Variants in GFM1 observed in about 807,000 individuals in gnomAD.
GFM1 encodes elongation factor G, mitochondrial.
A neutral mutation model predicts 96.2 loss-of-function variants in GFM1; 62 were observed. The ratio of observed to expected loss-of-function variants is 0.64; its 90% CI spans 0.53 to 0.80. The LOEUF (loss-of-function observed/expected upper bound fraction) is 0.80. GFM1 is among the 30% of genes least tolerant of loss of function. The probability of loss-of-function intolerance (pLI) is 0.00; values close to 1 mark genes in which losing one functional copy is unlikely to be tolerated. For synonymous variants in GFM1, 282 were observed against 312.9 expected (o/e 0.90, Z 1.04); for missense variants, 852 against 916.6 (o/e 0.93, Z 0.91).
chr3:158,650,106 C>T (rs922662487), intron 5 of GFM1: 7 of 1,444,034 alleles, frequency 4.8e-6, no homozygotes, highest in Admixed American at 2.0e-5. Flanking sequence ...AATTTATCTT[C>T]ATCAGCCATC....
At chr3:158,676,148 A>G (rs1724872345) in intron 13 of GFM1, among the ~76,000 whole-genome samples, 3 of 152,158 alleles carry the variant, frequency 2.0e-5, no homozygotes, top group African/African-American at 7.2e-5. Flanking sequence ...ATGTGCCTGT[A>G]GTTCCAGCTA....
At chr3:158,668,858 C>A in intron 13 of GFM1, 2 of 692,926 alleles carry the variant, frequency 2.9e-6, no homozygotes, top group Non-Finnish European at 2.3e-6. Flanking sequence ...CTTGATTGTA[C>A]CTGACCTCCC....
At position 158,682,167 on chromosome 3, in the gene GFM1, TAAA is replaced by T; in HGVS notation, c.1764+14_1764+16del. The stretch of plus-strand genomic sequence containing the variant: ...GCCTGCTGTAGAAAAGGTAAATTTT[TAAA>T]AAAGTGTTTTTGCATTTTTACTTAC... On this transcript the variant is annotated intron_variant, in intron 14 of 17. Transcript: ENST00000486715. The T allele has an allele frequency of 6.2e-7, 1 of 1,608,488 alleles. No homozygotes were observed.
rs1722458031 is a variant in GFM1 at position 158,653,391 on chromosome 3, C to T, written c.922C>T (p.Pro308Ser). Residue 308 changes from proline (P) to serine (S), a missense_variant, in exon 7 of 18, where the codon CCT (proline) becomes TCT (serine). Pro to Ser is a moderately conservative substitution (Grantham distance 74). Coordinates refer to ENST00000486715, the MANE Select transcript of GFM1 (RefSeq NM_024996.7). ...CGCCTTGAAGAACAAAGGAGTTCAGCCTCTTTTAGATGCTGTTTTAGAATA... is the reference window on the plus strand; with the variant it reads ...CGCCTTGAAGAACAAAGGAGTTCAGTCTCTTTTAGATGCTGTTTTAGAATA... ...GSALKNKGVQ[P>S]LLDAVLEYLP... is the part of the protein sequence containing the mutation. The T allele has an allele frequency of 6.2e-7, 1 of 1,612,690 alleles. No homozygotes were observed. Among genetic ancestry groups the T allele is most frequent in the Non-Finnish European group, 8.5e-7 (1 of 1,178,800 alleles).
chr3:158,654,931 T>A (rs1251840582), intron 8 of GFM1, among the ~76,000 whole-genome samples: 2 of 152,230 alleles, frequency 1.3e-5, no homozygotes, highest in African/African-American at 4.8e-5. Flanking sequence ...CATGTTTCTA[T>A]AAATAGTTTA....
intron 13 of GFM1, among the ~76,000 whole-genome samples, chr3:158,675,306 A>AAAAAC (rs1576775841): frequency 6.8e-6 from 1 of 146,204 alleles, no homozygotes; most frequent in East Asian, 1.9e-4. Flanking sequence ...AAAAAAAAAA[A>AAAAAC]AAAACAAGTT....
chr3:158,655,930 C>CT (rs1167189161), intron 8 of GFM1: 4 of 456,964 alleles, frequency 8.8e-6, no homozygotes, highest in African/African-American at 8.0e-5. Context: ...GTTTCTTAGA[C>CT]TTTCCTTGTT....
At chr3:158,670,732 C>T (rs1373768761) in intron 13 of GFM1, among the ~76,000 whole-genome samples, 1 of 152,076 alleles carries the variant, frequency 6.6e-6, no homozygotes, top group Non-Finnish European at 1.5e-5. Flanking sequence ...CTTGGTAGCT[C>T]ATGCTTGTAA....
chr3:158,657,185 T>C (rs1722836233), intron 8 of GFM1: 1 of 152,212 alleles, frequency 6.6e-6, no homozygotes, highest in Non-Finnish European at 1.5e-5. Flanking sequence ...ACAGTATATT[T>C]ATTACCTCCA....
chr3:158,644,533 A>T lies in GFM1; in HGVS notation c.-102A>T. 1 of 909,498 alleles carries T rather than the reference A, an allele frequency of 1.1e-6. No individual in the cohort carries two copies. The highest frequency in any genetic ancestry group is 1.5e-5 in the South Asian group (1 of 68,726). The allele number at this position is 909,498 out of a possible 1,614,324, so 56.3% of individuals were successfully genotyped here. On this transcript the variant is annotated 5_prime_UTR_variant, in exon 1 of 18. Transcript: ENST00000486715. ...CGTCCTTTGCCCCGGAAGTGCTCTT[A>T]CAACATTGGCTGCCGGCGTGACTTT...
chr3:158,645,586 C>T (rs2107999763), intron 1 of GFM1, 43 bp from the exon 2 acceptor site: 3 of 1,527,260 alleles, frequency 2.0e-6, no homozygotes, highest in Middle Eastern at 1.7e-4. Flanking sequence ...GTTGTTCTCT[C>T]TTATAAAAGG....
rs1726415989 is a variant in GFM1, at chr3:158,692,852, C to A, written c.*1385C>A. ...GACTACAGGTGTGCGCCACCACTCC[C>A]TGCTAATTTTTTGCATTTTTTGAAG... is the stretch of plus-strand genomic sequence containing the variant. On this transcript the variant is annotated 3_prime_UTR_variant, in exon 18 of 18. Transcript: ENST00000486715. Among the ~76,000 whole-genome samples, 1 of 151,942 alleles carries A rather than the reference C, an allele frequency of 6.6e-6. No individual in the cohort carries two copies. The highest frequency in any genetic ancestry group is 1.5e-5 in the Non-Finnish European group (1 of 68,006).
At chr3:158,689,759 A>G (rs1376604110) in intron 15 of GFM1, among the ~76,000 whole-genome samples, 1 of 151,918 alleles carries the variant, frequency 6.6e-6, no homozygotes, top group Non-Finnish European at 1.5e-5. Flanking sequence ...AAAAAAAAAA[A>G]AAAAGAAAGA....
rs138058648 is a variant in GFM1, at chr3:158,665,385, G to T, written c.1429G>T (p.Asp477Tyr). 1.9e-5 allele frequency: 31 copies of T among 1,610,002 alleles called. No individual in the cohort carries two copies. Among genetic ancestry groups the T allele is most frequent in the Non-Finnish European group, 2.5e-5 (29 of 1,176,864 alleles). Residue 477 changes from aspartate (D) to tyrosine (Y), a missense_variant, in exon 12 of 18, where the codon GAT becomes TAT. Asp to Tyr is a radical substitution (Grantham distance 160, BLOSUM62 -3). Transcript: ENST00000486715. ...SKGIGRFTRE[D>Y]PTFKVYFDTE... is the part of the protein sequence containing the mutation. Reference sequence around the variant, plus strand: ...AGGTATTGGCAGGTTTACAAGAGAAGATCCCACATTTAAAGTATACTTTGA... The same window carrying T: ...AGGTATTGGCAGGTTTACAAGAGAATATCCCACATTTAAAGTATACTTTGA...
chr3:158,660,766 G>T, intron 9 of GFM1, 108 bp from the exon 10 acceptor site: 1 of 886,124 alleles, frequency 1.1e-6, no homozygotes, highest in Admixed American at 1.8e-5. Context: ...GAGAGATTCT[G>T]CCACGCTTTT....
Position 158,693,203 on chromosome 3 carries a change from G to A in GFM1, c.*1736G>A, listed in dbSNP as rs1446161530. ...ATGTCTGTTGCTACAGTAGCATCAG[G>A]TCTGAAAAAATGTGGTTGCTTTGGC... On this transcript the variant is annotated 3_prime_UTR_variant, in exon 18 of 18. Coordinates refer to ENST00000486715, the MANE Select transcript of GFM1 (RefSeq NM_024996.7). The A allele has an allele frequency of 6.6e-6, 1 of 152,064 alleles. No individual in the cohort carries two copies. Among genetic ancestry groups the A allele is most frequent in the African/African-American group, 2.4e-5 (1 of 41,400 alleles). The allele number at this position is 152,064 out of a possible 1,614,324, so 9.4% of individuals were successfully genotyped here. A position where few individuals can be genotyped will look rare whatever the true frequency, so the allele number is the denominator to read the frequency against.
At chr3:158,690,352 G>T (rs1449925845) in intron 16 of GFM1, 29 bp downstream of exon 16, 2 of 1,600,900 alleles carry the variant, frequency 1.2e-6, no homozygotes, top group South Asian at 2.2e-5. Flanking sequence ...TGGCAGTCCT[G>T]CTTTTATTAA....
intron 13 of GFM1, among the ~76,000 whole-genome samples, chr3:158,681,486 C>G (rs1252991312): frequency 6.6e-6 from 1 of 152,172 alleles, no homozygotes; most frequent in Non-Finnish European, 1.5e-5. Context: ...TGCCACCGAT[C>G]ATTTTCAGAT....
chr3:158,673,483 T>A (rs1183493201), intron 13 of GFM1, among the ~76,000 whole-genome samples: 4 of 151,008 alleles, frequency 2.6e-5, no homozygotes, highest in African/African-American at 7.3e-5. Context: ...GCTGCCTGGA[T>A]TGAGACCTTT....
Sources: allele counts gnomAD v4.1 joint callset (sites outside exome capture counted in the v4.1 genomes callset), GRCh38; gene constraint gnomAD v4.1.1; transcripts MANE v1.5; gene names NCBI Gene and HGNC (gene_info 2026-07-23, HGNC 2026-07-21).